The following SPAM1 variants were observed in gnomAD, a reference collection of about 807,000 sequenced individuals.
The protein encoded by SPAM1 is hyaluronidase PH-20.
A neutral mutation model predicts 29.6 loss-of-function variants in SPAM1; 22 were observed. The ratio of observed to expected loss-of-function variants is 0.74; its 90% CI spans 0.53 to 1.06. SPAM1 has a LOEUF of 1.06. Among genes scored for constraint, SPAM1 ranks in the 50% least tolerant of loss-of-function variants. The pLI is 0.00. For synonymous variants in SPAM1, 194 were observed against 204.6 expected (o/e 0.95, Z 0.44); for missense variants, 534 against 604.0 (o/e 0.88, Z 1.21).
At chr7:123,939,415 A>G (rs1808359594) in intron 1 of SPAM1, among the ~76,000 whole-genome samples, 2 of 151,836 alleles carry the variant, frequency 1.3e-5, no homozygotes, top group Non-Finnish European at 1.5e-5. Flanking sequence ...CTTCATTTCA[A>G]TCATATCTGG....
intron 1 of SPAM1, among the ~76,000 whole-genome samples, chr7:123,931,348 A>T (rs1808073444): frequency 6.6e-6 from 1 of 152,168 alleles, no homozygotes; most frequent in Non-Finnish European, 1.5e-5. Flanking sequence ...CTTTCTATAT[A>T]AAAACAGGCC....
At chr7:123,967,749 T>A (rs1792447064) in intron 5 of SPAM1, among the ~76,000 whole-genome samples, 1 of 151,884 alleles carries the variant, frequency 6.6e-6, no homozygotes, top group African/African-American at 2.4e-5. Context: ...AGATATGAAG[T>A]GTCTTCTGGG....
At chr7:123,956,329 A>G (rs1792247654) in intron 4 of SPAM1, among the ~76,000 whole-genome samples, 1 of 152,050 alleles carries the variant, frequency 6.6e-6, no homozygotes, top group African/African-American at 2.4e-5. Context: ...ATCATTTTAA[A>G]TAATAGATCT....
At chr7:123,959,290 A>G (rs1273939462) in intron 4 of SPAM1, among the ~76,000 whole-genome samples, 194 bp from the exon 5 acceptor site, 1 of 152,104 alleles carries the variant, frequency 6.6e-6, no homozygotes, top group African/African-American at 2.4e-5. Context: ...ATGAAGTGGC[A>G]TGTGAAACTT....
At chr7:123,927,586 T>A (rs1038556343) in intron 1 of SPAM1, among the ~76,000 whole-genome samples, 1 of 152,214 alleles carries the variant, frequency 6.6e-6, no homozygotes, top group Non-Finnish European at 1.5e-5. Context: ...AGATATCTCA[T>A]GTTCTTAGCA....
intron 5 of SPAM1, among the ~76,000 whole-genome samples, chr7:123,966,163 GA>G (rs1466549458): frequency 6.6e-6 from 1 of 151,804 alleles, no homozygotes; most frequent in East Asian, 1.9e-4. Context: ...ACAAACAAAT[GA>G]AAAAAAGCTC....
At position 123,954,393 on chromosome 7, in the gene SPAM1, A is replaced by G. The variant is rs755097882; in HGVS notation, c.823A>G (p.Thr275Ala). The change falls in exon 3 of 5, where the codon ACA (threonine) becomes GCA (alanine). Residue 275 changes from threonine (T) to alanine (A), a missense_variant. By Grantham distance (58) the Thr-to-Ala change is moderately conservative. Coordinates refer to ENST00000682466, the MANE Select transcript of SPAM1 (RefSeq NM_153189.3). ...LNTQQSPVAA[T>A]LYVRNRVREA... The stretch of plus-strand genomic sequence containing the variant: ...CACTCAGCAGTCTCCTGTAGCTGCT[A>G]CACTCTATGTGCGCAATCGAGTTCG... 3.3e-5 allele frequency: 54 copies of G among 1,613,284 alleles called. No homozygotes were observed. The highest frequency in any genetic ancestry group is 4.5e-5 in the Non-Finnish European group (53 of 1,179,568).
chr7:123,933,704 A>G (rs1016588097), intron 1 of SPAM1, among the ~76,000 whole-genome samples: 6 of 152,206 alleles, frequency 3.9e-5, no homozygotes, highest in African/African-American at 1.4e-4. Flanking sequence ...TGGAATATAC[A>G]AGGAACTCAA....
intron 1 of SPAM1, among the ~76,000 whole-genome samples, chr7:123,941,713 AG>A: frequency 6.6e-6 from 1 of 152,294 alleles, no homozygotes; most frequent in East Asian, 1.9e-4. Flanking sequence ...CATAGTTCCC[AG>A]GTTGACTTTT....
chr7:123,965,624 C>T (rs1334209923), intron 5 of SPAM1, among the ~76,000 whole-genome samples: 2 of 151,870 alleles, frequency 1.3e-5, no homozygotes. Context: ...GATGCGTGGT[C>T]TTATTTCTGA....
downstream of SPAM1, among the ~76,000 whole-genome samples, chr7:123,964,933 G>A (rs757036398): frequency 1.3e-5 from 2 of 151,950 alleles, no homozygotes; most frequent in Admixed American, 6.6e-5. Context: ...GTGATGTTCT[G>A]TTTCCACATG....
chr7:123,948,973 C>CT lies in SPAM1; in HGVS notation c.-318-884dup, dbSNP rs58149943. On this transcript the variant is annotated intron_variant, in intron 1 of 4. Transcript: ENST00000682466. The stretch of plus-strand genomic sequence containing the variant: ...GAGGACTAAGCCAAGAAATTTGGCT[C>CT]TTTTTTTTTTTTTTTCCTGTCTGAT... Among the ~76,000 whole-genome samples the CT allele has an allele frequency of 9.6e-3, 1,357 of 141,232 alleles. 8 individuals are homozygous for CT. The highest frequency in any genetic ancestry group is 0.021 in the East Asian group (102 of 4,818). The allele number at this position is 141,232 out of a possible 152,430, so 92.7% of individuals were successfully genotyped here. A position where few individuals can be genotyped will look rare whatever the true frequency, so the allele number is the denominator to read the frequency against.
At chr7:123,970,010 T>G (rs766490635) in intron 5 of SPAM1, among the ~76,000 whole-genome samples, 90 of 152,122 alleles carry the variant, frequency 5.9e-4, no homozygotes, top group Non-Finnish European at 1.2e-3. Flanking sequence ...ATTAATAAAT[T>G]ATATCTTCTT....
In SPAM1 at chr7:123,929,895, A is replaced by ATTTTTTTTTTTTTTTT. The variant is rs71163712; in HGVS notation, c.-319+4548_-319+4563dup. 1.3e-4 allele frequency among the ~76,000 whole-genome samples: 16 copies of ATTTTTTTTTTTTTTTT among 119,808 alleles called. 1 individual carries two copies. The highest frequency in any genetic ancestry group is 1.8e-4 in the African/African-American group (6 of 32,458). The allele number at this position is 119,808 out of a possible 152,430, so 78.6% of individuals were successfully genotyped here. A position where few individuals can be genotyped will look rare whatever the true frequency, so the allele number is the denominator to read the frequency against. On this transcript the variant is annotated intron_variant, in intron 1 of 4. Coordinates refer to ENST00000682466, the MANE Select transcript of SPAM1 (RefSeq NM_153189.3). ...AAAGAAGGAAGCTGGGTGTTTAGGG[A>ATTTTTTTTTTTTTTTT]TTTTTTTTTTTTTTTTTTTTGAGGA...
intron 1 of SPAM1, among the ~76,000 whole-genome samples, chr7:123,930,412 G>A (rs1808036321): frequency 6.6e-6 from 1 of 152,036 alleles, no homozygotes; most frequent in Non-Finnish European, 1.5e-5. Flanking sequence ...AGTTCAAGAG[G>A]TATCGCCAAA....
chr7:123,961,050 G>C (rs1298795419), downstream of SPAM1, among the ~76,000 whole-genome samples: 1 of 151,414 alleles, frequency 6.6e-6, no homozygotes, highest in Non-Finnish European at 1.5e-5. Flanking sequence ...TTTAATTTTA[G>C]TTGACATGTA....
At chr7:123,933,433 G>T (rs1342283033) in intron 1 of SPAM1, among the ~76,000 whole-genome samples, 1 of 152,146 alleles carries the variant, frequency 6.6e-6, no homozygotes, top group Non-Finnish European at 1.5e-5. Context: ...AAACAATTAG[G>T]ATAGCAAGCT....
intron 1 of SPAM1, among the ~76,000 whole-genome samples, chr7:123,940,943 T>G (rs1158644459): frequency 6.6e-6 from 1 of 152,218 alleles, no homozygotes; most frequent in Non-Finnish European, 1.5e-5. Context: ...TTCCAATTCA[T>G]GTTTAATGAT....
At chr7:123,971,332 C>A (rs1477897536) in exon 7 of SPAM1, 1 of 151,962 alleles carries the variant, frequency 6.6e-6, no homozygotes, top group South Asian at 2.1e-4. Flanking sequence ...TAATTTCAGG[C>A]AATATGCTTA....
Sources: gnomAD v4.1 joint callset for allele counts (sites outside exome capture counted in the v4.1 genomes callset) on GRCh38, gnomAD v4.1.1 for gene constraint, MANE v1.5 for transcripts, NCBI Gene and HGNC (gene_info 2026-07-23, HGNC 2026-07-21) for gene names.